IGF1R: variants seen among roughly 807,000 people sequenced by gnomAD.
IGF1R encodes insulin-like growth factor 1 receptor.
In IGF1R, 44 loss-of-function variants were observed where a neutral mutation model predicts 144.6. The ratio of observed to expected loss-of-function variants is 0.30; its 90% CI spans 0.24 to 0.39. The LOEUF is 0.39. Ranked by LOEUF, IGF1R falls within the 10% of genes least tolerant of loss-of-function variation. The probability of loss-of-function intolerance (pLI) is 1.00; values close to 1 mark genes in which losing one functional copy is unlikely to be tolerated. For synonymous variants in IGF1R, 795 were observed against 722.8 expected (o/e 1.10, Z -1.60); for missense variants, 1,355 against 1,833.7 (o/e 0.74, Z 4.77).
intron 2 of IGF1R, among the ~76,000 whole-genome samples, chr15:98,870,480 A>T (rs188955300): frequency 1.1e-4 from 16 of 152,320 alleles, no homozygotes; most frequent in Non-Finnish European, 1.9e-4. Flanking sequence ...GAGTGCAAGG[A>T]GGCATAAGCC....
At chr15:98,953,345 A>G (rs1475793343) in intron 20 of IGF1R, among the ~76,000 whole-genome samples, 2 of 152,116 alleles carry the variant, frequency 1.3e-5, no homozygotes, top group African/African-American at 4.8e-5. Flanking sequence ...GTGTGAATTA[A>G]CTTAGCAGGT....
intron 1 of IGF1R, among the ~76,000 whole-genome samples, chr15:98,662,978 G>A (rs2052636199): frequency 6.6e-6 from 1 of 152,178 alleles, no homozygotes; most frequent in African/African-American, 2.4e-5. Flanking sequence ...GTTCTGGGGA[G>A]GCTGCTCTGG....
intron 15 of IGF1R, among the ~76,000 whole-genome samples, chr15:98,934,592 C>T (rs141464888): frequency 0.011 from 1,622 of 152,300 alleles, 12 homozygotes; most frequent in Non-Finnish European, 0.015. Flanking sequence ...TTAGTATCCT[C>T]AAATTATCTT....
At chr15:98,925,264 G>GT (rs1279303734) in intron 13 of IGF1R, among the ~76,000 whole-genome samples, 1 of 152,180 alleles carries the variant, frequency 6.6e-6, no homozygotes, top group Non-Finnish European at 1.5e-5. Flanking sequence ...AGGAATGTGA[G>GT]TTTATGCTCA....
intron 2 of IGF1R, among the ~76,000 whole-genome samples, chr15:98,781,488 ACT>A (rs760906569): frequency 1.1e-4 from 16 of 152,016 alleles, no homozygotes; most frequent in Non-Finnish European, 2.1e-4. Flanking sequence ...GCTGGTGAAG[ACT>A]CTGCTTATAG....
chr15:98,891,306 C>T lies in IGF1R; in HGVS notation c.641-19C>T, dbSNP rs1228788464. The T allele has an allele frequency of 1.2e-6, 2 of 1,603,376 alleles. No homozygotes were observed. The highest frequency in any genetic ancestry group is 1.3e-5 in the African/African-American group (1 of 75,030). ...CTCCCCTGCCCGGTCTCATCTCCGT[C>T]TCTCCTCTCTCTCCACAGTGTGCCC... is the stretch of plus-strand genomic sequence containing the variant. On this transcript the variant is annotated intron_variant, in intron 2 of 20. Coordinates refer to ENST00000650285, the MANE Select transcript of IGF1R (RefSeq NM_000875.5). This position sits in a 1 kb window ranked among gnomAD's most constrained non-coding sequence, Gnocchi z 4.7.
chr15:98,914,442 G>A (rs189565505), intron 8 of IGF1R, among the ~76,000 whole-genome samples: 2 of 152,152 alleles, frequency 1.3e-5, no homozygotes, highest in East Asian at 1.9e-4. Flanking sequence ...TGCTGTGCAC[G>A]CCTGCTCCTT....
Position 98,957,586 on chromosome 15 carries a change from A to G in IGF1R, c.*144A>G. ...ACTGCCCTTGCTGCCCGCGGGAGAC[A>G]GCTTCTCTGCAGTAAAACACATTTG... On this transcript the variant is annotated 3_prime_UTR_variant, in exon 21 of 21. Coordinates refer to ENST00000650285, the MANE Select transcript of IGF1R (RefSeq NM_000875.5). The G allele has an allele frequency of 1.0e-6, 1 of 990,596 alleles. No individual in the cohort carries two copies. Among genetic ancestry groups the G allele is most frequent in the South Asian group, 1.4e-5 (1 of 71,244 alleles). 61.4% of individuals were successfully genotyped at this position (990,596 alleles called of 1,614,324 possible). A position where few individuals can be genotyped will look rare whatever the true frequency, so the allele number is the denominator to read the frequency against.
rs73473497 is a variant in IGF1R, at chr15:98,725,284, A to G, written c.640+17177A>G. On this transcript the variant is annotated intron_variant, in intron 2 of 20. Coordinates refer to ENST00000650285, the MANE Select transcript of IGF1R (RefSeq NM_000875.5). ...GTATCTCCTCTTCCAAGATTTTTAC[A>G]TGATTTAGTGTTTTCTGAATTGGAA... is the stretch of plus-strand genomic sequence containing the variant. Among the ~76,000 whole-genome samples the G allele has an allele frequency of 9.5e-3, 1,445 of 152,356 alleles. 25 individuals are homozygous for G. Among genetic ancestry groups the G allele is most frequent in the African/African-American group, 0.033 (1,355 of 41,580 alleles).
intron 2 of IGF1R, among the ~76,000 whole-genome samples, chr15:98,809,116 G>A (rs889286588): frequency 4.6e-5 from 7 of 152,174 alleles, no homozygotes; most frequent in African/African-American, 1.7e-4. Flanking sequence ...CCCTGACGAG[G>A]TCTATATATT....
At chr15:98,899,672 G>C in intron 5 of IGF1R, 51 bp downstream of exon 5, 1 of 1,572,576 alleles carries the variant, frequency 6.4e-7, no homozygotes, top group Non-Finnish European at 8.7e-7. Flanking sequence ...AATAAGCAGC[G>C]TGCTTATGAA....
At chr15:98,903,983 G>A (rs1346289598) in intron 5 of IGF1R, among the ~76,000 whole-genome samples, 1 of 152,150 alleles carries the variant, frequency 6.6e-6, no homozygotes, top group Non-Finnish European at 1.5e-5. Flanking sequence ...AAGTGTTCTG[G>A]AACTGAGTAG....
At chr15:98,911,282 C>G in intron 6 of IGF1R, 33 bp from the exon 7 acceptor site, 1 of 1,613,742 alleles carries the variant, frequency 6.2e-7, no homozygotes. Context: ...ACACATGAAT[C>G]TCTGTCACTC....
At chr15:98,796,608 A>G (rs2056247982) in intron 2 of IGF1R, among the ~76,000 whole-genome samples, 1 of 152,204 alleles carries the variant, frequency 6.6e-6, no homozygotes, top group African/African-American at 2.4e-5. Context: ...GTCTTTGCGT[A>G]GCTGATGGGG....
chr15:98,835,287 T>C lies in IGF1R; in HGVS notation c.641-56038T>C, dbSNP rs867210042. Among the ~76,000 whole-genome samples, 108 of 152,268 alleles carry C rather than the reference T, an allele frequency of 7.1e-4. 1 individual carries two copies. The highest frequency in any genetic ancestry group is 6.8e-3 in the Middle Eastern group (2 of 294). On this transcript the variant is annotated intron_variant, in intron 2 of 20. Transcript: ENST00000650285. ...CTGTAGCATACAACTAGCACACTTG[T>C]TGCTATTATGTGTAGGGGACTAGAT... is the stretch of plus-strand genomic sequence containing the variant.
At chr15:98,925,766 T>C (rs899316066) in intron 13 of IGF1R, among the ~76,000 whole-genome samples, 8 of 152,076 alleles carry the variant, frequency 5.3e-5, no homozygotes, top group African/African-American at 1.9e-4. Flanking sequence ...TAGTTGGGGG[T>C]GGTGGTACAC....
At position 98,961,932 on chromosome 15, in the gene IGF1R, C is replaced by G. The variant is rs2017243321; in HGVS notation, c.*4490C>G. 1 of 233,326 alleles carries G rather than the reference C, an allele frequency of 4.3e-6. No individual in the cohort carries two copies. The highest frequency in any genetic ancestry group is 6.0e-5 in the East Asian group (1 of 16,596). The allele number at this position is 233,326 out of a possible 1,614,324, so 14.5% of individuals were successfully genotyped here. On this transcript the variant is annotated 3_prime_UTR_variant, in exon 21 of 21. Coordinates refer to ENST00000650285, the MANE Select transcript of IGF1R (RefSeq NM_000875.5). ...TGGCTTCGTAAAATAGAAGAGCAGT[C>G]ACTGTGGAACTACCAAATGGCGAGA...
rs1055083752 is a variant in IGF1R, at chr15:98,961,315, ATTTTGT to A, written c.*3883_*3888del. 9.9e-5 allele frequency: 23 copies of A among 233,382 alleles called. No homozygotes were observed. The highest frequency in any genetic ancestry group is 4.6e-4 in the African/African-American group (21 of 45,330). 14.5% of individuals were successfully genotyped at this position (233,382 alleles called of 1,614,324 possible). A position where few individuals can be genotyped will look rare whatever the true frequency, so the allele number is the denominator to read the frequency against. On this transcript the variant is annotated 3_prime_UTR_variant, in exon 21 of 21. Coordinates refer to ENST00000650285, the MANE Select transcript of IGF1R (RefSeq NM_000875.5). Reference sequence around the variant, plus strand: ...TTAAACTGTCCGAGTTACTGATGTCATTTTGTTTTTGTTTTATGTAGGTAGCTTTTA... The same window carrying A: ...TTAAACTGTCCGAGTTACTGATGTCATTTTGTTTTATGTAGGTAGCTTTTA...
intron 2 of IGF1R, among the ~76,000 whole-genome samples, chr15:98,847,448 C>G (rs1466839067): frequency 6.6e-6 from 1 of 152,198 alleles, no homozygotes; most frequent in Non-Finnish European, 1.5e-5. Flanking sequence ...GTAGTCCTGC[C>G]TGCATTTGAA....
Sources: gnomAD v4.1 joint callset for allele counts (sites outside exome capture counted in the v4.1 genomes callset) on GRCh38, gnomAD v4.1.1 for gene constraint, Gnocchi (gnomAD v3.1) non-coding constraint, MANE v1.5 for transcripts, NCBI Gene and HGNC (gene_info 2026-07-23, HGNC 2026-07-21) for gene names.